The following DIAPH2 variants were observed in gnomAD, a reference collection of about 807,000 sequenced individuals.
The protein encoded by DIAPH2 is protein diaphanous homolog 2.
In DIAPH2, 35 loss-of-function variants were observed where a neutral mutation model predicts 92.7. That is an observed-to-expected ratio of 0.38 (90% CI 0.29 to 0.50). The LOEUF (loss-of-function observed/expected upper bound fraction) is 0.50. Ranked by LOEUF, DIAPH2 falls within the 20% of genes least tolerant of loss-of-function variation. The probability of loss-of-function intolerance (pLI) is 0.94; values close to 1 mark genes in which losing one functional copy is unlikely to be tolerated. For missense variants in DIAPH2, 701 were observed against 819.5 expected (o/e 0.86, Z 1.77); for synonymous variants, 301 against 280.4 (o/e 1.07, Z -0.73).
At chrX:96,840,848 T>A (rs937805496) in intron 4 of DIAPH2, among the ~76,000 whole-genome samples, 2 of 110,509 alleles carry the variant, frequency 1.8e-5, no homozygotes, top group African/African-American at 6.6e-5. Flanking sequence ...CTCCTGACCT[T>A]GTGATCTGCC....
chrX:97,562,967 A>G (rs2071304234), intron 26 of DIAPH2, among the ~76,000 whole-genome samples: 2 of 112,442 alleles, frequency 1.8e-5, no homozygotes, highest in African/African-American at 3.2e-5. Flanking sequence ...TAAAATAGCT[A>G]TAATAGAATT....
intron 23 of DIAPH2, among the ~76,000 whole-genome samples, chrX:97,310,201 C>G (rs1287323662): frequency 8.9e-6 from 1 of 112,055 alleles, no homozygotes; most frequent in Non-Finnish European, 1.9e-5. Context: ...AATTACTGAT[C>G]ACCCTAATTT....
intron 21 of DIAPH2, among the ~76,000 whole-genome samples, chrX:97,121,608 A>G (rs1277093847): frequency 8.9e-6 from 1 of 112,280 alleles, no homozygotes; most frequent in Non-Finnish European, 1.9e-5. Flanking sequence ...CCTCACAGAT[A>G]CAAAGGGCAT....
intron 25 of DIAPH2, among the ~76,000 whole-genome samples, chrX:97,417,327 C>T (rs926772034): frequency 9.1e-6 from 1 of 110,277 alleles, no homozygotes; most frequent in Non-Finnish European, 1.9e-5. Flanking sequence ...GTAATAAGGA[C>T]ACATAAGTTT....
intron 15 of DIAPH2, among the ~76,000 whole-genome samples, chrX:96,956,192 G>A (rs989171987): frequency 1.2e-4 from 13 of 112,994 alleles, no homozygotes; most frequent in Non-Finnish European, 1.7e-4. Context: ...CTTGGAAGTT[G>A]CCAAAGCTTG....
In DIAPH2 at chrX:97,415,676, G is replaced by A. The variant is rs889389955; in HGVS notation, c.3146-13974G>A. The stretch of plus-strand genomic sequence containing the variant: ...AATGAGATCACTTGGACACAGGGCA[G>A]GGAACATCACACATGGGGGCGTGTT... On this transcript the variant is annotated intron_variant, in intron 25 of 26. Transcript: ENST00000324765. Among the ~76,000 whole-genome samples the A allele has an allele frequency of 3.9e-5, 4 of 102,279 alleles. No homozygotes were observed. The Admixed American group carries it at 4.2e-4, about 11-fold the overall frequency. 88.8% of individuals were successfully genotyped at this position (102,279 alleles called of 115,157 possible).
At chrX:97,498,025 T>G (rs2070771192) in intron 26 of DIAPH2, among the ~76,000 whole-genome samples, 1 of 111,739 alleles carries the variant, frequency 8.9e-6, no homozygotes, top group African/African-American at 3.2e-5. Flanking sequence ...TAGAATGTTC[T>G]GACTACAACA....
intron 26 of DIAPH2, among the ~76,000 whole-genome samples, chrX:97,563,512 A>C (rs974274343): frequency 1.2e-4 from 13 of 111,826 alleles, no homozygotes; most frequent in African/African-American, 4.2e-4. Flanking sequence ...TCTCAGCTCC[A>C]TACGTTATCA....
At chrX:96,871,107 C>A (rs777693893) in intron 4 of DIAPH2, among the ~76,000 whole-genome samples, 1 of 112,069 alleles carries the variant, frequency 8.9e-6, no homozygotes, top group Admixed American at 9.5e-5. Flanking sequence ...TCCTATTGCA[C>A]ATTATCATTG....
At chrX:97,344,150 G>T (rs1255702280) in intron 23 of DIAPH2, among the ~76,000 whole-genome samples, 2 of 111,878 alleles carry the variant, frequency 1.8e-5, no homozygotes, top group African/African-American at 6.5e-5. Context: ...ACTTCTTCAG[G>T]GTAGAGATTA....
chrX:97,178,456 T>TC (rs2067511952), intron 22 of DIAPH2, among the ~76,000 whole-genome samples: 2 of 81,557 alleles, frequency 2.5e-5, no homozygotes, highest in Non-Finnish European at 2.4e-5. Flanking sequence ...TTTTTTTTTT[T>TC]TTTTTTTTTT....
intron 15 of DIAPH2, among the ~76,000 whole-genome samples, chrX:96,952,473 C>T (rs976908203): frequency 1.7e-4 from 19 of 111,498 alleles, no homozygotes; most frequent in Non-Finnish European, 2.3e-4. Context: ...CAGTGGCTCA[C>T]GCCTGTAATC....
At chrX:96,883,114 G>C (rs1029087655) in intron 5 of DIAPH2, among the ~76,000 whole-genome samples, 1 of 110,265 alleles carries the variant, frequency 9.1e-6, no homozygotes, top group African/African-American at 3.3e-5. Context: ...ATAGGTCTAA[G>C]TCTTGTACTT....
In DIAPH2 at chrX:97,099,772, G is replaced by A; in HGVS notation, c.2326G>A (p.Glu776Lys). Residue 776 changes from glutamate (E) to lysine (K), a missense_variant, in exon 20 of 27, where the codon GAG (glutamate) becomes AAG (lysine). By Grantham distance (56) the Glu-to-Lys change is moderately conservative. Around this residue, in one of 3 missense-constraint regions of DIAPH2, gnomAD observed 536 missense variants for 599.3 expected, o/e 0.89. Coordinates refer to ENST00000324765, the MANE Select transcript of DIAPH2 (RefSeq NM_006729.5). The part of the protein sequence containing the change: ...ELKNEYDDLC[E>K]PEQFGVVMSS... ...TAAGAATGAATATGATGACCTCTGT[G>A]AGCCTGAACAATTTGGAGTTGTGGT... 1 of 1,172,121 alleles carries A rather than the reference G, an allele frequency of 8.5e-7. No individual in the cohort carries two copies. The highest frequency in any genetic ancestry group is 2.0e-5 in the South Asian group (1 of 49,166).
At chrX:96,828,156 G>C (rs768806137) in intron 4 of DIAPH2, among the ~76,000 whole-genome samples, 1 of 112,051 alleles carries the variant, frequency 8.9e-6, no homozygotes, top group East Asian at 2.8e-4. Context: ...GGAATCCTTT[G>C]ACCACATTTT....
At chrX:97,444,648 G>C (rs779061689) in intron 26 of DIAPH2, among the ~76,000 whole-genome samples, 3 of 111,427 alleles carry the variant, frequency 2.7e-5, no homozygotes, top group Non-Finnish European at 3.8e-5. Context: ...TTTTAATTAT[G>C]TTTGTGACAT....
intron 16 of DIAPH2, among the ~76,000 whole-genome samples, chrX:96,959,342 C>T (rs1205227411): frequency 9.0e-6 from 1 of 111,469 alleles, no homozygotes; most frequent in Non-Finnish European, 1.9e-5. Flanking sequence ...AGTAAGATAC[C>T]TCACTGTGGT....
At chrX:97,582,581 G>A (rs1258480322) in intron 26 of DIAPH2, among the ~76,000 whole-genome samples, 1 of 108,669 alleles carries the variant, frequency 9.2e-6, no homozygotes, top group Admixed American at 9.8e-5. Flanking sequence ...AGGGTAACCC[G>A]ACCTTTCTCT....
chrX:97,404,954 A>T (rs5920914), intron 25 of DIAPH2, among the ~76,000 whole-genome samples: 3,107 of 112,281 alleles, frequency 0.028, 35 homozygotes, highest in Middle Eastern at 0.041. Context: ...TCATGTGCTT[A>T]CGATAGAAAA....
Sources: gnomAD v4.1 joint callset for allele counts (sites outside exome capture counted in the v4.1 genomes callset) on GRCh38, gnomAD v4.1.1 for gene constraint, gnomAD v4.1.1 regional missense constraint, MANE v1.5 for transcripts, NCBI Gene and HGNC (gene_info 2026-07-23, HGNC 2026-07-21) for gene names.